SPTB: variants seen among roughly 807,000 people sequenced by gnomAD.
SPTB encodes spectrin beta chain, erythrocytic.
Under a neutral mutation model 256.2 loss-of-function variants are expected in SPTB, and 45 were observed. The ratio of observed to expected loss-of-function variants is 0.18; its 90% confidence interval spans 0.14 to 0.23. The LOEUF (loss-of-function observed/expected upper bound fraction) is 0.23. SPTB is among the 10% of genes least tolerant of loss of function. The pLI is 1.00. For synonymous variants in SPTB, 1,231 were observed against 1,243.1 expected (o/e 0.99, Z 0.21); for missense variants, 2,715 against 3,040.4 (o/e 0.89, Z 2.52).
chr14:64,769,135 G>C lies in SPTB; in HGVS notation c.5938-17C>G, dbSNP rs1387770457. ...CTCGCGGATCTATGGGGAGGAAAGG[G>C]AGAAAAGCTCAGGCTTGGCTCACCC... is the stretch of plus-strand genomic sequence containing the variant. On this transcript the variant is annotated splice_polypyrimidine_tract_variant and intron_variant, in intron 28 of 35. Coordinates refer to ENST00000644917, the MANE Select transcript of SPTB (RefSeq NM_001355436.2). The C allele has an allele frequency of 2.5e-6, 4 of 1,612,054 alleles. No homozygotes were observed. The Admixed American group carries it at 6.7e-5, about 27-fold the overall frequency.
chr14:64,799,442 C>A (rs2082838552), intron 9 of SPTB, among the ~76,000 whole-genome samples: 1 of 152,228 alleles, frequency 6.6e-6, no homozygotes, highest in Admixed American at 6.5e-5. Flanking sequence ...AGCTTTCCAG[C>A]CTGGGTTCTT....
chr14:64,821,352 T>C (rs547634404), intron 2 of SPTB, among the ~76,000 whole-genome samples: 2 of 152,326 alleles, frequency 1.3e-5, no homozygotes, highest in Admixed American at 1.3e-4. Flanking sequence ...GGCCAGGGGT[T>C]TAGCTTTAAA....
chr14:64,856,521 C>A (rs888424131), intron 1 of SPTB, among the ~76,000 whole-genome samples: 17 of 142,114 alleles, frequency 1.2e-4, no homozygotes. Flanking sequence ...TTCAGTCCTG[C>A]TAACTTTGGG....
At chr14:64,783,208 A>T (rs867631491) in intron 19 of SPTB, among the ~76,000 whole-genome samples, 4,035 of 146,592 alleles carry the variant, frequency 0.028, 186 homozygotes, top group African/African-American at 0.095. Context: ...ATAATAGTTA[A>T]TTTTTTTTTT....
At position 64,826,647 on chromosome 14, in the gene SPTB, G is replaced by A. The variant is rs2083381542; in HGVS notation, c.-51-3502C>T. ...GTACTTCCTTGTCCATTCATTCCCT[G>A]GCTTACCCACAAGTCCCCCAAAATT... On this transcript the variant is annotated intron_variant, in intron 1 of 35. Transcript: ENST00000644917. The surrounding 1 kb of genome is among the most constrained non-coding windows in gnomAD (Gnocchi z 4.4). Among the ~76,000 whole-genome samples the A allele has an allele frequency of 6.6e-6, 1 of 152,050 alleles. No individual in the cohort carries two copies. The highest frequency in any genetic ancestry group is 1.5e-5 in the Non-Finnish European group (1 of 68,004).
In SPTB at chr14:64,793,496, C is replaced by T. The variant is rs752447945; in HGVS notation, c.2167G>A (p.Ala723Thr). The T allele has an allele frequency of 1.2e-6, 2 of 1,614,098 alleles. No individual in the cohort carries two copies. The highest frequency in any genetic ancestry group is 1.7e-6 in the Non-Finnish European group (2 of 1,180,040). ...QIEARIKEVSAQWDQLKDLAA... is the reference protein window; with the variant it reads ...QIEARIKEVSTQWDQLKDLAA... Reference sequence around the variant, plus strand: ...AGGTCCTTCAGCTGGTCCCACTGTGCCGACACCTCCTTTATGCGGGCCTCG... The same window carrying T: ...AGGTCCTTCAGCTGGTCCCACTGTGTCGACACCTCCTTTATGCGGGCCTCG... The change falls in exon 14 of 36, where the codon GCA becomes ACA. Residue 723 changes from alanine (A) to threonine (T), a missense_variant. Around this residue, in one of 4 missense-constraint regions of SPTB, gnomAD observed 2,239 missense variants for 2,384.4 expected, o/e 0.94. Transcript: ENST00000644917. The surrounding 1 kb of genome is among the most constrained non-coding windows in gnomAD (Gnocchi z 7.0).
At position 64,803,710 on chromosome 14, in the gene SPTB, T is replaced by C. The variant is rs756588085; in HGVS notation, c.371A>G (p.Lys124Arg). The C allele has an allele frequency of 9.9e-6, 16 of 1,614,042 alleles. No homozygotes were observed. Among genetic ancestry groups the C allele is most frequent in the Non-Finnish European group, 1.1e-5 (13 of 1,180,024 alleles). Residue 124 changes from lysine to arginine, a missense_variant, in exon 4 of 36, where the codon AAG becomes AGG. Coordinates refer to ENST00000644917, the MANE Select transcript of SPTB (RefSeq NM_001355436.2). ...GTTCTCCAGGTGTACACGCTGCTCC[T>C]TGAGGAACTGGAGAGCCTTGTCCAC... ...ENVDKALQFL[K>R]EQRVHLENMG... is the part of the protein sequence containing the mutation.
At position 64,861,722 on chromosome 14, in the gene SPTB, G is replaced by C. The variant is rs558849201; in HGVS notation, c.-52+18070C>G. Among the ~76,000 whole-genome samples, 13 of 152,264 alleles carry C rather than the reference G, an allele frequency of 8.5e-5. 1 individual carries two copies. Among genetic ancestry groups the C allele is most frequent in the Admixed American group, 8.5e-4 (13 of 15,296 alleles). ...AAGCAATCTGCATTCATTGTCTTCTGCTCCTCGCCACGGCTTTCCTCTGTA... is the reference window on the plus strand; with the variant it reads ...AAGCAATCTGCATTCATTGTCTTCTCCTCCTCGCCACGGCTTTCCTCTGTA... On this transcript the variant is annotated intron_variant, in intron 1 of 35. Transcript: ENST00000644917.
chr14:64,822,807 C>T, intron 2 of SPTB, 140 bp downstream of exon 2: 1 of 1,340,354 alleles, frequency 7.5e-7, no homozygotes, highest in African/African-American at 1.4e-5. Flanking sequence ...CCCCCACCTC[C>T]CTGAGCCCGA....
chr14:64,775,349 T>G lies in SPTB; in HGVS notation c.4618A>C (p.Arg1540=), dbSNP rs61989884. 4.8e-3 allele frequency: 7,694 copies of G among 1,613,402 alleles called. 33 individuals carry two copies. The highest frequency in any genetic ancestry group is 5.9e-3 in the Non-Finnish European group (6,966 of 1,179,688). ...HTPRVEDVLQ[R]GQQLVEAAEI... is the part of the protein sequence containing the mutation. ...GCCGCCTCCACCAGCTGCTGCCCTC[T>G]CTGCAGCACATCCTCAACCCGCGGC... is the stretch of plus-strand genomic sequence containing the variant. The change falls in exon 23 of 36, where the codon AGA becomes CGA. Residue 1540 remains arginine (R), a synonymous_variant. Transcript: ENST00000644917. This position sits in a 1 kb window ranked among gnomAD's most constrained non-coding sequence, Gnocchi z 5.0.
chr14:64,773,467 G>T, intron 24 of SPTB, 43 bp from the exon 25 acceptor site: 1 of 1,604,228 alleles, frequency 6.2e-7, no homozygotes. Context: ...CGGCAGCCAC[G>T]AACCCAGAGC....
chr14:64,818,275 C>A (rs1364123453), intron 2 of SPTB, among the ~76,000 whole-genome samples: 1 of 152,228 alleles, frequency 6.6e-6, no homozygotes. Flanking sequence ...ACAGGCCCTT[C>A]GCAGGAGGCT....
intron 2 of SPTB, among the ~76,000 whole-genome samples, chr14:64,813,206 C>T (rs1277335127): frequency 6.6e-6 from 1 of 152,100 alleles, no homozygotes; most frequent in Non-Finnish European, 1.5e-5. Flanking sequence ...CAACAGATGT[C>T]ATAAAGAAAA....
chr14:64,785,474 G>T lies in SPTB; in HGVS notation c.3855+63C>A. 1 of 1,462,646 alleles carries T rather than the reference G, an allele frequency of 6.8e-7. No individual in the cohort carries two copies. 90.6% of individuals were successfully genotyped at this position (1,462,646 alleles called of 1,614,324 possible). On this transcript the variant is annotated intron_variant, in intron 18 of 35. Coordinates refer to ENST00000644917, the MANE Select transcript of SPTB (RefSeq NM_001355436.2). The surrounding 1 kb of genome is among the most constrained non-coding windows in gnomAD (Gnocchi z 4.4). ...AGGATCCCTGTGGACTTCCTGCCTTGAGGGAACTCTGCTTCTAGAAAGGAA... is the reference window on the plus strand; with the variant it reads ...AGGATCCCTGTGGACTTCCTGCCTTTAGGGAACTCTGCTTCTAGAAAGGAA...
At chr14:64,780,706 C>A (rs1185287319) in intron 20 of SPTB, among the ~76,000 whole-genome samples, 1 of 152,174 alleles carries the variant, frequency 6.6e-6, no homozygotes, top group Non-Finnish European at 1.5e-5. Context: ...AGCCACCATG[C>A]CTGGCCTAGA....
intron 19 of SPTB, 102 bp downstream of exon 19, chr14:64,784,145 C>G: frequency 6.4e-7 from 1 of 1,563,360 alleles, no homozygotes; most frequent in Non-Finnish European, 8.7e-7. Flanking sequence ...ACGTTCTGTA[C>G]TGTCAGCAAG....
chr14:64,849,677 A>T (rs551782429), intron 1 of SPTB, among the ~76,000 whole-genome samples: 27 of 152,314 alleles, frequency 1.8e-4, no homozygotes, highest in African/African-American at 6.5e-4. Context: ...GATGAGGGCC[A>T]TTCCTAGTAT....
chr14:64,769,148 G>A, intron 28 of SPTB, 30 bp from the exon 29 acceptor site: 1 of 1,604,406 alleles, frequency 6.2e-7, no homozygotes, highest in Non-Finnish European at 8.5e-7. Flanking sequence ...AAAAGCTCAG[G>A]CTTGGCTCAC....
In SPTB at chr14:64,773,267, G is replaced by A; in HGVS notation, c.5131C>T (p.Leu1711=). The change falls in exon 25 of 36, where the codon CTA becomes TTA. Residue 1711 remains leucine (L), a synonymous_variant. Coordinates refer to ENST00000644917, the MANE Select transcript of SPTB (RefSeq NM_001355436.2). ...CCCATTTCCGGGGAAGAGGCCACTAGCTCCTTTTCTGAAATCCACTGCTCC... is the reference window on the plus strand; with the variant it reads ...CCCATTTCCGGGGAAGAGGCCACTAACTCCTTTTCTGAAATCCACTGCTCC... ...DLEQWISEKE[L]VASSPEMGQD... is the part of the protein sequence containing the mutation. 6.2e-7 allele frequency: 1 copy of A among 1,614,236 alleles called. No homozygotes were observed. The highest frequency in any genetic ancestry group is 8.5e-7 in the Non-Finnish European group (1 of 1,180,044).
Sources: allele counts gnomAD v4.1 joint callset (sites outside exome capture counted in the v4.1 genomes callset), GRCh38; gene constraint gnomAD v4.1.1; regional missense constraint gnomAD v4.1.1; non-coding constraint Gnocchi (gnomAD v3.1); transcripts MANE v1.5; gene names NCBI Gene and HGNC (gene_info 2026-07-23, HGNC 2026-07-21).